The following PLEKHM3 variants were observed in gnomAD, a reference collection of about 807,000 sequenced individuals.
PLEKHM3 encodes the protein pleckstrin homology domain-containing family M member 3.
In PLEKHM3, 45 loss-of-function variants were observed where a neutral mutation model predicts 81.8. The ratio of observed to expected loss-of-function variants is 0.55; its 90% CI spans 0.43 to 0.71. The LOEUF is 0.71. PLEKHM3 is among the 30% of genes least tolerant of loss of function. The pLI, the probability that PLEKHM3 is intolerant of heterozygous loss-of-function variation, is 0.00. For missense variants in PLEKHM3, 788 were observed against 924.3 expected, an observed-to-expected ratio of 0.85 and a Z score of 1.91; for synonymous variants, 352 against 356.4, an observed-to-expected ratio of 0.99 and a Z score of 0.14.
At chr2:207,849,751 T>G (rs916825088) in intron 7 of PLEKHM3, among the ~76,000 whole-genome samples, 3 of 152,224 alleles carry the variant, frequency 2.0e-5, no homozygotes, top group African/African-American at 7.2e-5. Context: ...TATGCTCCTC[T>G]ATCTTTGGAG....
chr2:207,882,717 T>G (rs1687736356), intron 6 of PLEKHM3, among the ~76,000 whole-genome samples: 1 of 152,156 alleles, frequency 6.6e-6, no homozygotes, highest in Non-Finnish European at 1.5e-5. Context: ...TGTTGTTTAT[T>G]CAGACTAAAA....
intron 7 of PLEKHM3, among the ~76,000 whole-genome samples, chr2:207,855,322 G>A (rs978003852): frequency 2.0e-5 from 3 of 152,124 alleles, no homozygotes; most frequent in Admixed American, 2.0e-4. Context: ...CCAAAGCTGG[G>A]ACAGTCTGAA....
At chr2:207,884,860 A>C (rs1364209615) in intron 6 of PLEKHM3, among the ~76,000 whole-genome samples, 2 of 152,250 alleles carry the variant, frequency 1.3e-5, no homozygotes, top group Non-Finnish European at 2.9e-5. Context: ...GGAACAGATG[A>C]TATTAGTCTG....
intron 7 of PLEKHM3, among the ~76,000 whole-genome samples, chr2:207,842,703 G>A (rs916634863): frequency 1.3e-5 from 2 of 152,138 alleles, no homozygotes; most frequent in East Asian, 1.9e-4. Context: ...AATGTTGGAT[G>A]GAACCGATAG....
At chr2:208,003,842 A>C (rs1692398437) in intron 1 of PLEKHM3, among the ~76,000 whole-genome samples, 1 of 152,226 alleles carries the variant, frequency 6.6e-6, no homozygotes, top group African/African-American at 2.4e-5. Context: ...ATAAATCTTA[A>C]AACGTTTTGT....
At chr2:208,004,217 C>A (rs1414453579) in intron 1 of PLEKHM3, among the ~76,000 whole-genome samples, 1 of 152,016 alleles carries the variant, frequency 6.6e-6, no homozygotes, top group Admixed American at 6.6e-5. Flanking sequence ...GAGTTTGAGA[C>A]CAGCCTGGCC....
chr2:207,956,088 G>A lies in PLEKHM3; in HGVS notation c.1547-9576C>T, dbSNP rs181326599. Among the ~76,000 whole-genome samples the A allele has an allele frequency of 2.0e-3, 300 of 152,268 alleles. 2 individuals carry two copies. The highest frequency in any genetic ancestry group is 6.7e-3 in the African/African-American group (280 of 41,548). On this transcript the variant is annotated intron_variant, in intron 3 of 7. Transcript: ENST00000427836. ...AAATGGAAGCACCTTTGGAAACACTGGATATTCTAGTTGTCTGAGGCTCAT... is the reference window on the plus strand; with the variant it reads ...AAATGGAAGCACCTTTGGAAACACTAGATATTCTAGTTGTCTGAGGCTCAT...
At chr2:207,945,018 G>A (rs1690076266) in intron 4 of PLEKHM3, among the ~76,000 whole-genome samples, 2 of 152,084 alleles carry the variant, frequency 1.3e-5, no homozygotes, top group Admixed American at 1.3e-4. Flanking sequence ...TCTATTCTAT[G>A]TTGAACCCAC....
intron 6 of PLEKHM3, among the ~76,000 whole-genome samples, chr2:207,870,069 T>C (rs2092524504): frequency 6.6e-6 from 1 of 152,198 alleles, no homozygotes; most frequent in Non-Finnish European, 1.5e-5. Context: ...TTATTACTCA[T>C]GTGTGGCACC....
intron 6 of PLEKHM3, among the ~76,000 whole-genome samples, chr2:207,873,920 T>C (rs2092547229): frequency 6.6e-6 from 1 of 152,228 alleles, no homozygotes; most frequent in Non-Finnish European, 1.5e-5. Flanking sequence ...GCTGGCTCAC[T>C]GATGAGGAAA....
Position 207,884,511 on chromosome 2 carries a change from A to G in PLEKHM3, c.1951-23249T>C, listed in dbSNP as rs114010025. 8.5e-3 allele frequency among the ~76,000 whole-genome samples: 1,289 copies of G among 152,342 alleles called. 18 individuals carry two copies. Among genetic ancestry groups the G allele is most frequent in the African/African-American group, 0.029 (1,222 of 41,584 alleles). ...AATATATTTTGAACAAGACTTTGTAACTATATCCATGTATATTGCTTCTAC... is the reference window on the plus strand; with the variant it reads ...AATATATTTTGAACAAGACTTTGTAGCTATATCCATGTATATTGCTTCTAC... On this transcript the variant is annotated intron_variant, in intron 6 of 7. Transcript: ENST00000427836.
intron 5 of PLEKHM3, among the ~76,000 whole-genome samples, chr2:207,926,460 T>C (rs1689397310): frequency 1.3e-5 from 2 of 152,212 alleles, no homozygotes; most frequent in Non-Finnish European, 2.9e-5. Flanking sequence ...AGGCTCTTCC[T>C]AGCAGTTCTT....
chr2:207,962,360 G>A (rs900264196), intron 3 of PLEKHM3, among the ~76,000 whole-genome samples: 3 of 152,186 alleles, frequency 2.0e-5, no homozygotes, highest in South Asian at 4.1e-4. Flanking sequence ...TTGATGGGAA[G>A]GTGATGCAGC....
rs1399876047 is a variant in PLEKHM3 at position 207,821,771 on chromosome 2, G to A, written c.*6548C>T. On this transcript the variant is annotated 3_prime_UTR_variant, in exon 8 of 8. Coordinates refer to ENST00000427836, the MANE Select transcript of PLEKHM3 (RefSeq NM_001080475.3). The stretch of plus-strand genomic sequence containing the variant: ...ATATATATTTTTCAAAGAGATGAGG[G>A]TCTCGCTATCTTGCCCAGACTTGTC... 1 of 151,846 alleles carries A rather than the reference G, an allele frequency of 6.6e-6. No homozygotes were observed. Among genetic ancestry groups the A allele is most frequent in the Non-Finnish European group, 1.5e-5 (1 of 67,980 alleles). 9.4% of individuals were successfully genotyped at this position (151,846 alleles called of 1,614,324 possible).
chr2:207,953,274 T>C lies in PLEKHM3; in HGVS notation c.1547-6762A>G, dbSNP rs116431034. 2.7e-3 allele frequency among the ~76,000 whole-genome samples: 417 copies of C among 152,334 alleles called. 6 individuals carry two copies. The highest frequency in any genetic ancestry group is 9.5e-3 in the African/African-American group (396 of 41,588). On this transcript the variant is annotated intron_variant, in intron 3 of 7. Coordinates refer to ENST00000427836, the MANE Select transcript of PLEKHM3 (RefSeq NM_001080475.3). ...TTAAGTCCCTTCATAGTGAATTCTC[T>C]TCCCAGGAGTTGAAAACTTCACAGT...
Position 207,977,211 on chromosome 2 carries a change from T to C in PLEKHM3, c.986A>G (p.His329Arg), listed in dbSNP as rs371802039. Residue 329 changes from histidine to arginine, a missense_variant, in exon 3 of 8, where the codon CAT (histidine) becomes CGT (arginine). By Grantham distance (29) the His-to-Arg change is conservative (BLOSUM62 0). Coordinates refer to ENST00000427836, the MANE Select transcript of PLEKHM3 (RefSeq NM_001080475.3). ...ATGATTCTGTGTATAGTCATCATGA[T>C]GGCCAAGCCCTGGTGAGATTGTCAG... ...NELTISPGLG[H>R]HDDYTQNHSF... 33 of 1,614,198 alleles carry C rather than the reference T, an allele frequency of 2.0e-5. No homozygotes were observed. The African/African-American group carries it at 2.8e-4, about 14-fold the overall frequency.
chr2:207,873,300 C>A (rs542296113), intron 6 of PLEKHM3, among the ~76,000 whole-genome samples: 1 of 152,208 alleles, frequency 6.6e-6, no homozygotes, highest in African/African-American at 2.4e-5. Flanking sequence ...TTTCTATTCC[C>A]AGCTATGTCC....
intron 3 of PLEKHM3, among the ~76,000 whole-genome samples, chr2:207,970,120 T>G (rs1444737477): frequency 6.6e-6 from 1 of 152,050 alleles, no homozygotes; most frequent in Non-Finnish European, 1.5e-5. Context: ...CAATTCTAAT[T>G]GCCCTCTACC....
At chr2:207,915,222 A>G (rs1688948723) in intron 5 of PLEKHM3, among the ~76,000 whole-genome samples, 1 of 152,358 alleles carries the variant, frequency 6.6e-6, no homozygotes, top group Non-Finnish European at 1.5e-5. Context: ...AGAAAAGATG[A>G]AAATTAAAAA....
Sources: gnomAD v4.1 joint callset for allele counts (sites outside exome capture counted in the v4.1 genomes callset) on GRCh38, gnomAD v4.1.1 for gene constraint, MANE v1.5 for transcripts, NCBI Gene and HGNC (gene_info 2026-07-23, HGNC 2026-07-21) for gene names.